Variants in RANBP2 observed in about 807,000 individuals in gnomAD.
The protein encoded by RANBP2 is E3 SUMO-protein ligase RanBP2.
RANBP2 carries 57 observed loss-of-function variants against 303.6 expected under a neutral mutation model. The ratio of observed to expected loss-of-function variants is 0.19; its 90% confidence interval spans 0.15 to 0.23. The LOEUF is 0.23. Among genes scored for constraint, RANBP2 ranks in the 10% least tolerant of loss-of-function variants. The probability of loss-of-function intolerance (pLI) is 1.00; values close to 1 mark genes in which losing one functional copy is unlikely to be tolerated. For missense variants in RANBP2, 3,138 were observed against 3,780.8 expected (o/e 0.83, Z 4.46); for synonymous variants, 1,167 against 1,301.5 (o/e 0.90, Z 2.23).
the RANBP2 span, among the ~76,000 whole-genome samples, chr2:109,369,579 G>T: frequency 3.9e-5 from 6 of 152,262 alleles, no homozygotes; most frequent in South Asian, 2.1e-4. Flanking sequence ...CTGGGGGTTG[G>T]GGGAGAGGAT....
At chr2:109,537,901 T>C in the RANBP2 span, among the ~76,000 whole-genome samples, 3 of 152,134 alleles carry the variant, frequency 2.0e-5, no homozygotes, top group African/African-American at 4.8e-5. Flanking sequence ...TGAGCCACGA[T>C]TGTGCCACTG....
chr2:108,947,529 C>T, the RANBP2 span, among the ~76,000 whole-genome samples: 4 of 152,194 alleles, frequency 2.6e-5, no homozygotes, highest in African/African-American at 9.7e-5. Flanking sequence ...CAGGCATTTT[C>T]ATACATACTC....
the RANBP2 span, chr2:109,544,862 A>G: frequency 2.8e-5 from 23 of 830,046 alleles, no homozygotes; most frequent in Non-Finnish European, 3.2e-5. Flanking sequence ...TGAACAAGAT[A>G]AAGATCCATG....
the RANBP2 span, among the ~76,000 whole-genome samples, chr2:109,497,605 C>CA: frequency 6.6e-6 from 1 of 152,196 alleles, no homozygotes. Context: ...CAGCTGCTGA[C>CA]ACGGACACGA....
chr2:108,912,835 A>G, the RANBP2 span: 6 of 1,265,414 alleles, frequency 4.7e-6, 1 homozygote, highest in South Asian at 7.6e-5. Context: ...CACAGAGCTC[A>G]TGGATCTGGA....
chr2:108,927,066 C>T, the RANBP2 span, among the ~76,000 whole-genome samples: 1 of 152,166 alleles, frequency 6.6e-6, no homozygotes, highest in Admixed American at 6.5e-5. Flanking sequence ...TTTTGGTGGG[C>T]GTTGGGACTG....
the RANBP2 span, among the ~76,000 whole-genome samples, chr2:109,254,598 T>C: frequency 6.6e-6 from 1 of 152,230 alleles, no homozygotes; most frequent in East Asian, 1.9e-4. Flanking sequence ...ACCATGACTA[T>C]TCCCATGACC....
the RANBP2 span, chr2:109,605,736 T>C: frequency 6.6e-6 from 1 of 152,226 alleles, no homozygotes; most frequent in East Asian, 1.9e-4. Flanking sequence ...GGTTCTTTAG[T>C]CCTCAGAGTT....
the RANBP2 span, among the ~76,000 whole-genome samples, chr2:109,487,970 C>T: frequency 1.3e-5 from 2 of 152,206 alleles, no homozygotes; most frequent in African/African-American, 2.4e-5. Flanking sequence ...GGATGAACAG[C>T]CACCAGGCCC....
chr2:108,857,066 CTTTTTTTTTT>C, the RANBP2 span: 8 of 42,058 alleles, frequency 1.9e-4, no homozygotes, highest in South Asian at 9.7e-4. Context: ...GATACTATTG[CTTTTTTTTTT>C]TTTTTTTTTT....
chr2:108,719,771 C>T lies in RANBP2; in HGVS notation c.72+93C>T, dbSNP rs1694065192. On this transcript the variant is annotated intron_variant, in intron 1 of 28. Coordinates refer to ENST00000283195, the MANE Select transcript of RANBP2 (RefSeq NM_006267.5). ...TCATGGCTCCCGACGGGCGCTGCTC[C>T]CTGGCGCGCTCTGTTGAGGCGCCGG... is the stretch of plus-strand genomic sequence containing the variant. 3 of 1,535,158 alleles carry T rather than the reference C, an allele frequency of 2.0e-6. No homozygotes were observed. The South Asian group carries it at 3.6e-5, about 18-fold the overall frequency.
intron 9 of RANBP2, among the ~76,000 whole-genome samples, chr2:108,750,443 A>G (rs1675783878): frequency 6.6e-6 from 1 of 152,240 alleles, no homozygotes; most frequent in African/African-American, 2.4e-5. Flanking sequence ...AGTTATTTCC[A>G]TAGAGATACC....
the RANBP2 span, among the ~76,000 whole-genome samples, chr2:109,145,076 T>C: frequency 2.2e-3 from 337 of 152,328 alleles, 1 homozygote; most frequent in African/African-American, 7.7e-3. Context: ...TTAAGGGCCC[T>C]CTTACGGGGC....
chr2:109,172,787 C>T, the RANBP2 span, among the ~76,000 whole-genome samples: 1 of 152,228 alleles, frequency 6.6e-6, no homozygotes, highest in African/African-American at 2.4e-5. Context: ...ATGTGGGTTA[C>T]GGAAGTGGTC....
At chr2:109,375,130 C>T in the RANBP2 span, among the ~76,000 whole-genome samples, 1 of 152,356 alleles carries the variant, frequency 6.6e-6, no homozygotes, top group East Asian at 1.9e-4. Context: ...CACCCACCTG[C>T]CACAGGCATT....
chr2:109,436,778 C>A, the RANBP2 span: 1 of 1,441,376 alleles, frequency 6.9e-7, no homozygotes, highest in Non-Finnish European at 9.3e-7. Flanking sequence ...GTCCCCAGAT[C>A]AGTTGGCCTT....
At chr2:108,896,920 T>A in the RANBP2 span, 1 of 1,612,528 alleles carries the variant, frequency 6.2e-7, no homozygotes. Context: ...GGATGCAGCA[T>A]GTGGCTGGGA....
chr2:109,098,966 A>G, the RANBP2 span, among the ~76,000 whole-genome samples: 1 of 152,224 alleles, frequency 6.6e-6, no homozygotes, highest in Non-Finnish European at 1.5e-5. Context: ...TGAGGTTCAT[A>G]CATTTGGAAA....
chr2:109,194,093 C>T, the RANBP2 span, among the ~76,000 whole-genome samples: 1 of 152,254 alleles, frequency 6.6e-6, no homozygotes, highest in African/African-American at 2.4e-5. Context: ...CTGATAAAAA[C>T]TCCCCAAGAC....
Sources: gnomAD v4.1 joint callset for allele counts (sites outside exome capture counted in the v4.1 genomes callset) on GRCh38, gnomAD v4.1.1 for gene constraint, MANE v1.5 for transcripts, NCBI Gene and HGNC (gene_info 2026-07-23, HGNC 2026-07-21) for gene names.